The following OSBPL2 variants were observed in gnomAD, a reference collection of about 807,000 sequenced individuals.
OSBPL2 encodes oxysterol-binding protein-related protein 2.
A neutral mutation model predicts 58.4 loss-of-function variants in OSBPL2; 18 were observed. The observed-to-expected ratio is 0.31, with a 90% CI of 0.21 to 0.46. The LOEUF (loss-of-function observed/expected upper bound fraction) is 0.46, where lower values mean the gene tolerates loss of function less well. Among genes scored for constraint, OSBPL2 ranks in the 20% least tolerant of loss-of-function variants. The pLI is 1.00. For synonymous variants in OSBPL2, 221 were observed against 234.1 expected, an observed-to-expected ratio of 0.94 and a Z score of 0.51; for missense variants, 461 against 616.5, an observed-to-expected ratio of 0.75 and a Z score of 2.67.
Position 62,281,219 on chromosome 20 carries a change from G to A in OSBPL2, c.782+54G>A, listed in dbSNP as rs183526136. ...CGCGAGGCTCCGGGTGGGGATGGGC[G>A]AGCCGGGGAGCGTGAGCATCCGTGC... On this transcript the variant is annotated intron_variant, in intron 8 of 13. Coordinates refer to ENST00000313733, the MANE Select transcript of OSBPL2 (RefSeq NM_144498.4). 2.0e-4 allele frequency: 266 copies of A among 1,309,794 alleles called. 3 individuals carry two copies. The East Asian group carries it at 5.7e-3, about 28-fold the overall frequency. 81.1% of individuals were successfully genotyped at this position (1,309,794 alleles called of 1,614,324 possible). A position where few individuals can be genotyped will look rare whatever the true frequency, so the allele number is the denominator to read the frequency against.
chr20:62,286,545 G>A (rs1183556044), intron 10 of OSBPL2, 38 bp from the exon 11 acceptor site: 5 of 1,588,346 alleles, frequency 3.1e-6, no homozygotes, highest in South Asian at 1.1e-5. Flanking sequence ...AGAGCGGCCT[G>A]GCCCCGGGCA....
chr20:62,250,673 CA>C (rs151326335), intron 1 of OSBPL2, among the ~76,000 whole-genome samples: 2,521 of 152,284 alleles, frequency 0.017, 74 homozygotes, highest in African/African-American at 0.059. Flanking sequence ...GGAGTCCCAG[CA>C]CCTTGGGAGG....
chr20:62,289,925 A>G (rs1983381378), intron 12 of OSBPL2, among the ~76,000 whole-genome samples: 1 of 152,048 alleles, frequency 6.6e-6, no homozygotes, highest in Non-Finnish European at 1.5e-5. Flanking sequence ...AACAACAACA[A>G]AAAACACAAA....
intron 2 of OSBPL2, among the ~76,000 whole-genome samples, chr20:62,257,394 A>C (rs1374432443): frequency 6.6e-6 from 1 of 152,172 alleles, no homozygotes; most frequent in Non-Finnish European, 1.5e-5. Flanking sequence ...TGCGCTCCTT[A>C]CCGGCTTCAA....
In OSBPL2 at chr20:62,294,195, C is replaced by T; in HGVS notation, c.*308C>T. 1.4e-5 allele frequency: 6 copies of T among 440,186 alleles called. 1 individual carries two copies. The South Asian group carries it at 1.7e-4, about 13-fold the overall frequency. 27.3% of individuals were successfully genotyped at this position (440,186 alleles called of 1,614,324 possible). On this transcript the variant is annotated 3_prime_UTR_variant, in exon 14 of 14. Transcript: ENST00000313733. ...GCTGGGGCTTGTTTAGCTTCCAGCACACTCTCAGTCATAGCATGTGTAGCT... is the reference window on the plus strand; with the variant it reads ...GCTGGGGCTTGTTTAGCTTCCAGCATACTCTCAGTCATAGCATGTGTAGCT...
intron 3 of OSBPL2, among the ~76,000 whole-genome samples, chr20:62,262,158 C>T (rs1981358792): frequency 6.6e-6 from 1 of 151,944 alleles, no homozygotes. Flanking sequence ...CACTCCTGCT[C>T]CTACAGAACT....
chr20:62,243,906 C>T (rs1355812558), intron 1 of OSBPL2, among the ~76,000 whole-genome samples: 2 of 150,880 alleles, frequency 1.3e-5, no homozygotes, highest in Non-Finnish European at 2.9e-5. Flanking sequence ...TGGTGGTTTT[C>T]CCTGACCTTG....
At chr20:62,280,356 C>A in intron 7 of OSBPL2, 1 of 301,322 alleles carries the variant, frequency 3.3e-6, no homozygotes, top group Non-Finnish European at 6.5e-6. Context: ...AGTGGCCTTG[C>A]TTAATTAAGA....
rs567163695 is a variant in OSBPL2, at chr20:62,269,305, C to T, written c.259-2820C>T. Among the ~76,000 whole-genome samples the T allele has an allele frequency of 5.9e-5, 9 of 152,318 alleles. No homozygotes were observed. In the East Asian group the frequency reaches 1.7e-3, roughly 29 times the overall value. On this transcript the variant is annotated intron_variant, in intron 4 of 13. Transcript: ENST00000313733. This position sits in a 1 kb window ranked among gnomAD's most constrained non-coding sequence, Gnocchi z 4.2. The stretch of plus-strand genomic sequence containing the variant: ...GACATACGGGTCATTTCTGATCTTT[C>T]ATGGATCCAGCCGTGCGGCAGCAAA...
chr20:62,261,336 A>AAAG (rs397742281), intron 3 of OSBPL2, among the ~76,000 whole-genome samples: 1 of 149,454 alleles, frequency 6.7e-6, no homozygotes, highest in Non-Finnish European at 1.5e-5. Flanking sequence ...AAAAAAAAAA[A>AAAG]GGCACAAAGG....
At chr20:62,279,448 C>T (rs1057030044) in intron 7 of OSBPL2, 109 bp downstream of exon 7, 1 of 1,181,556 alleles carries the variant, frequency 8.5e-7, no homozygotes, top group Non-Finnish European at 1.2e-6. Flanking sequence ...CATTTTTCTC[C>T]TGAGGTGGGG....
At chr20:62,250,598 C>T (rs1980459347) in intron 1 of OSBPL2, among the ~76,000 whole-genome samples, 2 of 152,292 alleles carry the variant, frequency 1.3e-5, no homozygotes, top group South Asian at 4.1e-4. Flanking sequence ...TGACATTAGA[C>T]TTTTGTTATA....
Position 62,238,533 on chromosome 20 carries a change from C to A in OSBPL2, c.-193C>A, listed in dbSNP as rs1184454362. Reference sequence around the variant, plus strand: ...CTTCCGCCTCGGTGTCAGTGGGTCGCGGGCCTACGGGGCGGGGGCGGGGCG... The same window carrying A: ...CTTCCGCCTCGGTGTCAGTGGGTCGAGGGCCTACGGGGCGGGGGCGGGGCG... On this transcript the variant is annotated 5_prime_UTR_variant, in exon 1 of 14. Coordinates refer to ENST00000313733, the MANE Select transcript of OSBPL2 (RefSeq NM_144498.4). The A allele has an allele frequency of 1.3e-5, 2 of 150,014 alleles. No homozygotes were observed. The highest frequency in any genetic ancestry group is 4.9e-5 in the African/African-American group (2 of 41,158). The allele number at this position is 150,014 out of a possible 1,614,324, so 9.3% of individuals were successfully genotyped here. A position where few individuals can be genotyped will look rare whatever the true frequency, so the allele number is the denominator to read the frequency against.
chr20:62,265,944 G>A (rs992976077), intron 4 of OSBPL2, among the ~76,000 whole-genome samples: 1 of 152,028 alleles, frequency 6.6e-6, no homozygotes, highest in African/African-American at 2.4e-5. Flanking sequence ...AACATAGTGA[G>A]ACCCCAACTC....
At position 62,256,153 on chromosome 20, in the gene OSBPL2, T is replaced by C. The variant is rs752839644; in HGVS notation, c.-32T>C. ...TACGATGATTCAGTAGAAGAGCACA[T>C]GTCAGGGGCAGTGGAGGCTGGCTGC... On this transcript the variant is annotated 5_prime_UTR_variant, in exon 2 of 14. It removes an upstream start codon present in the reference 5' UTR. Coordinates refer to ENST00000313733, the MANE Select transcript of OSBPL2 (RefSeq NM_144498.4). The C allele has an allele frequency of 8.7e-6, 14 of 1,612,050 alleles. No individual in the cohort carries two copies. The highest frequency in any genetic ancestry group is 1.6e-4 in the Middle Eastern group (1 of 6,082).
chr20:62,267,008 C>G (rs1981713290), intron 4 of OSBPL2, among the ~76,000 whole-genome samples: 1 of 152,186 alleles, frequency 6.6e-6, no homozygotes, highest in Non-Finnish European at 1.5e-5. Flanking sequence ...TAATCACTGT[C>G]AGAGGCTGAG....
chr20:62,245,557 G>C (rs1980049620), intron 1 of OSBPL2, among the ~76,000 whole-genome samples: 1 of 152,238 alleles, frequency 6.6e-6, no homozygotes, highest in African/African-American at 2.4e-5. Flanking sequence ...AGCTGGTTCT[G>C]TGCTCAGAAG....
chr20:62,273,237 C>G, intron 5 of OSBPL2, 72 bp from the exon 6 acceptor site: 1 of 1,230,906 alleles, frequency 8.1e-7, no homozygotes, highest in Non-Finnish European at 1.2e-6. Context: ...CACCGCCCTC[C>G]ACAAGAGGCC....
rs907796504 is a variant in OSBPL2, at chr20:62,294,797, G to C, written c.*910G>C. On this transcript the variant is annotated 3_prime_UTR_variant, in exon 14 of 14. Coordinates refer to ENST00000313733, the MANE Select transcript of OSBPL2 (RefSeq NM_144498.4). ...TTTCCCAGTATGCATGTTTAAAATA[G>C]AAGTGACAAGAATCACATCCGGTTG... 5.3e-5 allele frequency: 8 copies of C among 152,260 alleles called. No homozygotes were observed. The highest frequency in any genetic ancestry group is 8.8e-5 in the Non-Finnish European group (6 of 68,054). 9.4% of individuals were successfully genotyped at this position (152,260 alleles called of 1,614,324 possible).
Sources: gnomAD v4.1 joint callset for allele counts (sites outside exome capture counted in the v4.1 genomes callset) on GRCh38, gnomAD v4.1.1 for gene constraint, Gnocchi (gnomAD v3.1) non-coding constraint, MANE v1.5 for transcripts, NCBI Gene and HGNC (gene_info 2026-07-23, HGNC 2026-07-21) for gene names.